ERI1: variants seen among roughly 807,000 people sequenced by gnomAD.
ERI1 encodes 3'-5' exoribonuclease 1.
ERI1 carries 39 observed loss-of-function variants against 39.7 expected under a neutral mutation model. The observed-to-expected ratio is 0.98, with a 90% CI of 0.76 to 1.28. The LOEUF is 1.28. ERI1 is among the 50% of genes most tolerant of loss of function. The probability of loss-of-function intolerance (pLI) is 0.00; values close to 1 mark genes in which losing one functional copy is unlikely to be tolerated. For synonymous variants in ERI1, 204 were observed against 149.6 expected, an observed-to-expected ratio of 1.36 and a Z score of -2.65; for missense variants, 581 against 416.9, an observed-to-expected ratio of 1.39 and a Z score of -3.43.
At chr8:9,065,473 A>T (rs1798842747) in intron 3 of ERI1, among the ~76,000 whole-genome samples, 1 of 152,140 alleles carries the variant, frequency 6.6e-6, no homozygotes. Context: ...AGGCAGGCAG[A>T]TCACGAGGTC....
At chr8:9,074,130 A>G (rs1371764247) in intron 3 of ERI1, among the ~76,000 whole-genome samples, 1 of 151,410 alleles carries the variant, frequency 6.6e-6, no homozygotes, top group Non-Finnish European at 1.5e-5. Flanking sequence ...TGTTTTTTTG[A>G]GACATGGTCT....
In ERI1 at chr8:9,063,191, G is replaced by A. The variant is rs901256922; in HGVS notation, n.299+42727G>A. Among the ~76,000 whole-genome samples the A allele has an allele frequency of 3.3e-5, 5 of 152,222 alleles. No homozygotes were observed. The East Asian group carries it at 5.8e-4, about 18-fold the overall frequency. ...AATAAATGTATATTGAGAATAAGAC[G>A]GCCTTTTGACCTTTTAGGGTCTAGG... is the stretch of plus-strand genomic sequence containing the variant. On this transcript the variant is annotated intron_variant and non_coding_transcript_variant, in intron 3 of 3. Transcript: ENST00000518663.
intron 6 of ERI1, among the ~76,000 whole-genome samples, chr8:9,024,017 G>A (rs1329286104): frequency 6.6e-6 from 1 of 151,972 alleles, no homozygotes; most frequent in Non-Finnish European, 1.5e-5. Flanking sequence ...AGCCAGGCTG[G>A]TCTTGAAGTC....
intron 4 of ERI1, 125 bp from the exon 5 acceptor site, chr8:9,018,172 C>T: frequency 1.9e-6 from 1 of 520,740 alleles, no homozygotes. Flanking sequence ...GCCAAGGAAA[C>T]CATGAATTTA....
At chr8:9,042,167 G>A (rs996922074) in intron 3 of ERI1, among the ~76,000 whole-genome samples, 4 of 152,208 alleles carry the variant, frequency 2.6e-5, no homozygotes, top group African/African-American at 9.6e-5. Flanking sequence ...TCAAGGCCAA[G>A]AGAAATGTCT....
Position 9,007,932 on chromosome 8 carries a change from ATCCTTTTTTTTTTTTTTTTT to A in ERI1, c.109-36_109-17del. The A allele has an allele frequency of 2.6e-6, 4 of 1,529,402 alleles. No homozygotes were observed. Among genetic ancestry groups the A allele is most frequent in the East Asian group, 2.3e-5 (1 of 42,980 alleles). 94.7% of individuals were successfully genotyped at this position (1,529,402 alleles called of 1,614,324 possible). A position where few individuals can be genotyped will look rare whatever the true frequency, so the allele number is the denominator to read the frequency against. On this transcript the variant is annotated intron_variant, in intron 1 of 6. Coordinates refer to ENST00000250263, the MANE Select transcript of ERI1 (RefSeq NM_153332.4). ...GATGTTTGTACTAATTATAAACTAC[ATCCTTTTTTTTTTTTTTTTT>A]TTTTTTTTTTTTGGTAGGAAACTCA... is the stretch of plus-strand genomic sequence containing the variant.
At chr8:9,067,927 C>G (rs969960127) in intron 3 of ERI1, among the ~76,000 whole-genome samples, 1 of 151,046 alleles carries the variant, frequency 6.6e-6, no homozygotes, top group South Asian at 2.1e-4. Flanking sequence ...TACAAATACA[C>G]ACACACACAC....
chr8:9,024,677 G>A (rs1224724903), intron 6 of ERI1, among the ~76,000 whole-genome samples: 1 of 151,934 alleles, frequency 6.6e-6, no homozygotes, highest in African/African-American at 2.4e-5. Flanking sequence ...GCCCCCCCTC[G>A]GCCTCCTAAA....
chr8:9,035,888 T>C (rs965469142), downstream of ERI1, among the ~76,000 whole-genome samples: 2 of 152,188 alleles, frequency 1.3e-5, no homozygotes, highest in Non-Finnish European at 2.9e-5. Flanking sequence ...GGTAAAGATA[T>C]CAACCTTAAC....
intron 3 of ERI1, among the ~76,000 whole-genome samples, chr8:9,065,403 G>C (rs2117409882): frequency 6.6e-6 from 1 of 152,240 alleles, no homozygotes; most frequent in Admixed American, 6.5e-5. Flanking sequence ...CATTAAAAAT[G>C]GCTGACTGCC....
At chr8:9,067,540 A>G (rs934555010) in intron 3 of ERI1, among the ~76,000 whole-genome samples, 4 of 151,910 alleles carry the variant, frequency 2.6e-5, no homozygotes, top group African/African-American at 9.7e-5. Context: ...CTATTGTCCT[A>G]GCTACTTAGG....
chr8:9,026,810 C>T (rs1275285210), intron 6 of ERI1, among the ~76,000 whole-genome samples: 3 of 151,840 alleles, frequency 2.0e-5, no homozygotes, highest in Non-Finnish European at 4.4e-5. Context: ...ATCCAAAGCA[C>T]TTCTGTCCCA....
rs759598782 is a variant in ERI1, at chr8:9,025,974, T to A, written c.808-3818T>A. On this transcript the variant is annotated intron_variant, in intron 6 of 6. Transcript: ENST00000250263. Reference sequence around the variant, plus strand: ...AAACAGTGTATGTACATTGAGCCATTAGAAAGCAGAACTGTCACTGTCTCA... The same window carrying A: ...AAACAGTGTATGTACATTGAGCCATAAGAAAGCAGAACTGTCACTGTCTCA... Among the ~76,000 whole-genome samples, 3 of 152,160 alleles carry A rather than the reference T, an allele frequency of 2.0e-5. No individual in the cohort carries two copies. In the East Asian group the frequency reaches 5.8e-4, roughly 29 times the overall value.
At chr8:9,013,048 T>G (rs1816836625) in intron 3 of ERI1, among the ~76,000 whole-genome samples, 1 of 151,216 alleles carries the variant, frequency 6.6e-6, no homozygotes, top group Non-Finnish European at 1.5e-5. Context: ...TAAGATAGAG[T>G]CTTGTACCCA....
chr8:9,043,432 C>T (rs1343259466), intron 3 of ERI1, among the ~76,000 whole-genome samples: 1 of 152,170 alleles, frequency 6.6e-6, no homozygotes, highest in African/African-American at 2.4e-5. Context: ...ATGTAGAGGC[C>T]AGGCCTAAAT....
At chr8:9,096,753 A>G (rs1241591252) in intron 3 of ERI1, 5 of 114,606 alleles carry the variant, frequency 4.4e-5, no homozygotes, top group Admixed American at 1.3e-4. Context: ...ACGGGATCTC[A>G]CTCTGTCACC....
intron 3 of ERI1, among the ~76,000 whole-genome samples, chr8:9,091,051 C>T (rs1799685443): frequency 6.6e-6 from 1 of 152,142 alleles, no homozygotes; most frequent in Non-Finnish European, 1.5e-5. Context: ...CAAAAATCAA[C>T]AGTCTTTATA....
intron 3 of ERI1, among the ~76,000 whole-genome samples, chr8:9,056,073 T>G (rs1436652044): frequency 6.6e-6 from 1 of 152,214 alleles, no homozygotes; most frequent in Non-Finnish European, 1.5e-5. Flanking sequence ...TACACATCCC[T>G]CAGAAGCTCT....
intron 6 of ERI1, among the ~76,000 whole-genome samples, chr8:9,021,004 C>G (rs1367089379): frequency 2.6e-5 from 4 of 152,160 alleles, no homozygotes; most frequent in Admixed American, 2.6e-4. Flanking sequence ...AGTTTGCGAT[C>G]TATTGAATTC....
Sources: allele counts gnomAD v4.1 joint callset (sites outside exome capture counted in the v4.1 genomes callset), GRCh38; gene constraint gnomAD v4.1.1; transcripts MANE v1.5; gene names NCBI Gene and HGNC (gene_info 2026-07-23, HGNC 2026-07-21).